The following APTX variants were observed in gnomAD, a reference collection of about 807,000 sequenced individuals.
APTX encodes the protein forkhead-associated domain histidine triad-like protein.
APTX carries 33 observed loss-of-function variants against 42.3 expected under a neutral mutation model. That is an observed-to-expected ratio of 0.78 (90% CI 0.59 to 1.04). The LOEUF (loss-of-function observed/expected upper bound fraction) is 1.04. Among genes scored for constraint, APTX ranks in the 50% least tolerant of loss-of-function variants. APTX has a pLI of 0.00. For missense variants in APTX, 421 were observed against 415.1 expected (o/e 1.01, Z -0.12); for synonymous variants, 130 against 146.7 (o/e 0.89, Z 0.82).
chr9:33,017,053 AC>A (rs1259292546), intron 1 of APTX, among the ~76,000 whole-genome samples: 2 of 152,180 alleles, frequency 1.3e-5, no homozygotes, highest in Non-Finnish European at 2.9e-5. Context: ...AATACTTTGA[AC>A]CAAATGTTGG....
chr9:32,973,379 G>T lies in APTX; in HGVS notation c.*119C>A. The T allele has an allele frequency of 1.7e-6, 2 of 1,189,590 alleles. No homozygotes were observed. Among genetic ancestry groups the T allele is most frequent in the Non-Finnish European group, 2.5e-6 (2 of 804,216 alleles). 73.7% of individuals were successfully genotyped at this position (1,189,590 alleles called of 1,614,324 possible). On this transcript the variant is annotated 3_prime_UTR_variant, in exon 8 of 8. Transcript: ENST00000379817. ...GGCCACTCAATAATAGAATAAATTT[G>T]TGAAAAAGCTGCATGTTTTAATTTA...
chr9:33,012,898 G>A (rs1362695649), intron 1 of APTX, among the ~76,000 whole-genome samples: 1 of 152,172 alleles, frequency 6.6e-6, no homozygotes, highest in East Asian at 1.9e-4. Context: ...TGAAATCTGG[G>A]TCAAGGCTCA....
At chr9:33,023,126 C>G (rs1838526173) in intron 1 of APTX, among the ~76,000 whole-genome samples, 1 of 150,920 alleles carries the variant, frequency 6.6e-6, no homozygotes, top group South Asian at 2.1e-4. Flanking sequence ...ACCATGCACC[C>G]CCTACTCTTC....
chr9:32,974,622 T>C (rs1828900476), intron 6 of APTX, 61 bp from the exon 7 acceptor site: 2 of 918,166 alleles, frequency 2.2e-6, no homozygotes, highest in African/African-American at 1.6e-5. Flanking sequence ...TTAATCAAAA[T>C]GACAAAGAGT....
rs371292546 is a variant in APTX at position 32,973,574 on chromosome 9, C to T, written c.953G>A (p.Arg318His). ...CAGCAGCTGCTGGCACTCATGACAA[C>T]GAAGGGGCAGCTTCAAGAGCTCAGG... Reference protein sequence around the residue: ...GMPELLKLPLRCHECQQLLPS... With the variant: ...GMPELLKLPLHCHECQQLLPS... Residue 318 changes from arginine (R) to histidine (H), a missense_variant, in exon 8 of 8, where the codon CGT becomes CAT. Arg to His is a conservative substitution (Grantham distance 29). Transcript: ENST00000379817. 2.0e-5 allele frequency: 32 copies of T among 1,613,896 alleles called. No individual in the cohort carries two copies. Among genetic ancestry groups the T allele is most frequent in the African/African-American group, 1.6e-4 (12 of 74,864 alleles).
chr9:33,020,636 A>T (rs1250248802), intron 1 of APTX, among the ~76,000 whole-genome samples: 1 of 152,254 alleles, frequency 6.6e-6, no homozygotes, highest in Admixed American at 6.5e-5. Context: ...AAGAAAGAAC[A>T]GATGAGGAAA....
chr9:33,018,142 A>C (rs1838052188), intron 1 of APTX, among the ~76,000 whole-genome samples: 1 of 149,456 alleles, frequency 6.7e-6, no homozygotes, highest in Non-Finnish European at 1.5e-5. Flanking sequence ...GAGACGACTC[A>C]CTCTGTCACC....
intron 6 of APTX, among the ~76,000 whole-genome samples, chr9:32,981,977 C>G (rs1001250193): frequency 2.0e-5 from 3 of 151,058 alleles, no homozygotes; most frequent in Non-Finnish European, 4.4e-5. Flanking sequence ...AATATCTAAC[C>G]CAAAATATTC....
chr9:33,019,929 A>C, intron 1 of APTX: 1 of 500,806 alleles, frequency 2.0e-6, no homozygotes, highest in Non-Finnish European at 3.6e-6. Flanking sequence ...GGGGTCGGGA[A>C]AGGCACGCTG....
At chr9:32,985,520 G>A (rs901566932) in intron 5 of APTX, among the ~76,000 whole-genome samples, 1 of 151,894 alleles carries the variant, frequency 6.6e-6, no homozygotes, top group African/African-American at 2.4e-5. Context: ...ATTTTTAGTA[G>A]AGACAGGGTT....
chr9:33,021,931 G>C (rs1229944510), intron 1 of APTX, among the ~76,000 whole-genome samples: 2 of 148,584 alleles, frequency 1.3e-5, no homozygotes, highest in Non-Finnish European at 3.0e-5. Context: ...TTCGAGGCCA[G>C]CCTGGGCAAC....
intron 1 of APTX, among the ~76,000 whole-genome samples, chr9:33,009,631 T>C (rs1837396128): frequency 6.6e-6 from 1 of 151,838 alleles, no homozygotes; most frequent in South Asian, 2.1e-4. Context: ...ATAAATAACT[T>C]AGCCGGGCAC....
chr9:32,991,669 C>T (rs751201483), intron 1 of APTX, among the ~76,000 whole-genome samples: 1 of 151,604 alleles, frequency 6.6e-6, no homozygotes, highest in African/African-American at 2.4e-5. Context: ...CCCACCTACT[C>T]GGGAGGCTGA....
intron 1 of APTX, 131 bp downstream of exon 1, chr9:33,001,436 G>A (rs916256530): frequency 1.3e-6 from 2 of 1,554,296 alleles, no homozygotes; most frequent in Non-Finnish European, 1.7e-6. Context: ...GGAGAAAGCA[G>A]CCGTGAGAGC....
intron 5 of APTX, 76 bp downstream of exon 5, chr9:32,985,895 C>T: frequency 7.7e-7 from 1 of 1,294,774 alleles, no homozygotes; most frequent in Non-Finnish European, 1.1e-6. Context: ...CCTTTGATTT[C>T]ATTTGTAATT....
chr9:33,009,742 G>A (rs1274823567), intron 1 of APTX, among the ~76,000 whole-genome samples: 14 of 151,922 alleles, frequency 9.2e-5, no homozygotes, highest in Non-Finnish European at 1.8e-4. Context: ...TTATGCCACT[G>A]CACTCCAGCC....
chr9:33,006,103 A>G (rs1837117706), upstream of APTX, among the ~76,000 whole-genome samples: 1 of 151,694 alleles, frequency 6.6e-6, no homozygotes, highest in African/African-American at 2.4e-5. Context: ...TAATTCCAAC[A>G]GTTAGAAATG....
intron 1 of APTX, among the ~76,000 whole-genome samples, chr9:32,992,455 A>G (rs1047393914): frequency 1.3e-5 from 2 of 152,354 alleles, no homozygotes; most frequent in East Asian, 3.9e-4. Flanking sequence ...GGGACTGATA[A>G]AGAAGAAATG....
chr9:33,009,419 G>C (rs960585214), intron 1 of APTX, among the ~76,000 whole-genome samples: 2 of 151,972 alleles, frequency 1.3e-5, no homozygotes, highest in African/African-American at 4.8e-5. Context: ...CTTGATGTTC[G>C]TGCTATTCTT....
Sources: allele counts gnomAD v4.1 joint callset (sites outside exome capture counted in the v4.1 genomes callset), GRCh38; gene constraint gnomAD v4.1.1; transcripts MANE v1.5; gene names NCBI Gene and HGNC (gene_info 2026-07-23, HGNC 2026-07-21).